TMEM132B: variants seen among roughly 807,000 people sequenced by gnomAD.
The protein encoded by TMEM132B is transmembrane protein 132B.
Under a neutral mutation model 90.8 loss-of-function variants are expected in TMEM132B, and 18 were observed. That is an observed-to-expected ratio of 0.20 (90% CI 0.14 to 0.29). The LOEUF (loss-of-function observed/expected upper bound fraction) is 0.29. Ranked by LOEUF, TMEM132B falls within the 10% of genes least tolerant of loss-of-function variation. TMEM132B has a pLI of 1.00. For synonymous variants in TMEM132B, 504 were observed against 523.3 expected, an observed-to-expected ratio of 0.96 and a Z score of 0.50; for missense variants, 1,096 against 1,326.8, an observed-to-expected ratio of 0.83 and a Z score of 2.70.
At chr12:125,211,017 T>C (rs1873306286) in intron 1 of TMEM132B, among the ~76,000 whole-genome samples, 1 of 151,608 alleles carries the variant, frequency 6.6e-6, no homozygotes, top group South Asian at 2.1e-4. Context: ...GTTGCAGTGA[T>C]CTGAGCTTGT....
At position 125,519,541 on chromosome 12, in the gene TMEM132B, G is replaced by A. The variant is rs754158975; in HGVS notation, c.1209G>A (p.Pro403=). 9.3e-6 allele frequency: 15 copies of A among 1,613,938 alleles called. No homozygotes were observed. The highest frequency in any genetic ancestry group is 8.8e-5 in the South Asian group (8 of 91,074). The change falls in exon 4 of 9, where the codon CCG becomes CCA. Residue 403 remains proline (P), a synonymous_variant. Transcript: ENST00000682704. ...AGATTACCTGGCAGGTGGAGTACCC[G>A]ATTGAGGACTCCATGAGTGAGCTGG... The part of the protein sequence containing the change: ...AQQITWQVEY[P]IEDSMSELVV...
Position 125,551,256 on chromosome 12 carries a change from T to C in TMEM132B, c.1293+31631T>C, listed in dbSNP as rs116869375. Among the ~76,000 whole-genome samples the C allele has an allele frequency of 5.7e-4, 87 of 152,368 alleles. No homozygotes were observed. In the East Asian group the frequency reaches 0.014, roughly 24 times the overall value. On this transcript the variant is annotated intron_variant, in intron 4 of 8. Transcript: ENST00000682704. The stretch of plus-strand genomic sequence containing the variant: ...AATCCTGTTAGGAGCCTTAACTTCA[T>C]TTTACTGGTTGGTGGCTTGGAGAAG...
At chr12:125,396,307 C>G (rs1003909223) in intron 2 of TMEM132B, among the ~76,000 whole-genome samples, 1 of 152,140 alleles carries the variant, frequency 6.6e-6, no homozygotes, top group African/African-American at 2.4e-5. Context: ...ATTTTAGCAC[C>G]AAAGGATGAT....
At chr12:125,202,144 C>G (rs959588215) in intron 1 of TMEM132B, among the ~76,000 whole-genome samples, 1 of 152,246 alleles carries the variant, frequency 6.6e-6, no homozygotes, top group African/African-American at 2.4e-5. Context: ...GGGTTGAGCA[C>G]ATGGCCTAAG....
intron 4 of TMEM132B, among the ~76,000 whole-genome samples, chr12:125,549,545 C>A (rs1884168975): frequency 1.3e-5 from 2 of 152,210 alleles, no homozygotes; most frequent in African/African-American, 4.8e-5. Flanking sequence ...ATTTTATAAT[C>A]TTTCAGGCTT....
In TMEM132B at chr12:125,213,755, A is replaced by C. The variant is rs1387490043; in HGVS notation, c.67+26889A>C. On this transcript the variant is annotated intron_variant, in intron 1 of 8. Coordinates refer to ENST00000682704, the MANE Select transcript of TMEM132B (RefSeq NM_001366854.1). This position sits in a 1 kb window ranked among gnomAD's most constrained non-coding sequence, Gnocchi z 4.2. ...TAGAGTGTGATCTCTGTAAGTATAGATCATGACTACCTTGCTTATTCATCC... is the reference window on the plus strand; with the variant it reads ...TAGAGTGTGATCTCTGTAAGTATAGCTCATGACTACCTTGCTTATTCATCC... 9.2e-5 allele frequency among the ~76,000 whole-genome samples: 14 copies of C among 152,220 alleles called. No homozygotes were observed. Among genetic ancestry groups the C allele is most frequent in the African/African-American group, 3.4e-4 (14 of 41,448 alleles).
chr12:125,332,583 CTTTTTTTTTTTTTTT>C (rs201828438), intron 1 of TMEM132B, among the ~76,000 whole-genome samples: 1,126 of 52,462 alleles, frequency 0.021, 17 homozygotes, highest in Non-Finnish European at 0.033. Flanking sequence ...AGAGAGTTGG[CTTTTTTTTTTTTTTT>C]TTTTTTTTTT....
At chr12:125,359,465 C>A (rs1566012862) in intron 2 of TMEM132B, among the ~76,000 whole-genome samples, 1 of 151,922 alleles carries the variant, frequency 6.6e-6, no homozygotes, top group South Asian at 2.1e-4. Flanking sequence ...GTCAAAAAAA[C>A]CCCAGATCAT....
At chr12:125,638,190 G>A (rs948325340) in intron 5 of TMEM132B, among the ~76,000 whole-genome samples, 1 of 152,142 alleles carries the variant, frequency 6.6e-6, no homozygotes, top group African/African-American at 2.4e-5. Flanking sequence ...CCTTTCACCA[G>A]CTGTGATTCC....
At chr12:125,299,363 C>G (rs1875757091) in intron 1 of TMEM132B, among the ~76,000 whole-genome samples, 2 of 152,304 alleles carry the variant, frequency 1.3e-5, no homozygotes, top group Admixed American at 6.6e-5. Context: ...GGCGGCTCCT[C>G]CCAAGCCCCA....
Position 125,209,012 on chromosome 12 carries a change from C to T in TMEM132B, c.67+22146C>T, listed in dbSNP as rs75250992. 6.3e-3 allele frequency among the ~76,000 whole-genome samples: 952 copies of T among 152,194 alleles called. 9 individuals carry two copies. Among genetic ancestry groups the T allele is most frequent in the African/African-American group, 0.022 (910 of 41,510 alleles). ...GTCCCCTCTGAGTGCTGCGGCCACTCGAATGTCAACTGAGCCCGGGGTTAT... is the reference window on the plus strand; with the variant it reads ...GTCCCCTCTGAGTGCTGCGGCCACTTGAATGTCAACTGAGCCCGGGGTTAT... On this transcript the variant is annotated intron_variant, in intron 1 of 8. Coordinates refer to ENST00000682704, the MANE Select transcript of TMEM132B (RefSeq NM_001366854.1). This position sits in a 1 kb window ranked among gnomAD's most constrained non-coding sequence, Gnocchi z 4.4.
chr12:125,569,922 C>T (rs900710024), intron 4 of TMEM132B, among the ~76,000 whole-genome samples: 3 of 152,090 alleles, frequency 2.0e-5, no homozygotes, highest in Non-Finnish European at 4.4e-5. Flanking sequence ...TGGTTCATTA[C>T]TCATATCTGG....
intron 4 of TMEM132B, among the ~76,000 whole-genome samples, chr12:125,574,741 A>ACAGGG (rs1162213300): frequency 6.6e-6 from 1 of 151,854 alleles, no homozygotes; most frequent in Non-Finnish European, 1.5e-5. Context: ...TATTATATCT[A>ACAGGG]CTTCTTGGAG....
rs559593931 is a variant in TMEM132B at position 125,442,932 on chromosome 12, G to T, written c.1106+27255G>T. 3.3e-5 allele frequency among the ~76,000 whole-genome samples: 5 copies of T among 152,346 alleles called. No homozygotes were observed. The South Asian group carries it at 1.0e-3, about 32-fold the overall frequency. On this transcript the variant is annotated intron_variant, in intron 3 of 8. Coordinates refer to ENST00000682704, the MANE Select transcript of TMEM132B (RefSeq NM_001366854.1). ...GCTAGTCGACAGTTCTAAGATACTA[G>T]CCCATCCCTCTGAGTGTGAGAAAGT... is the stretch of plus-strand genomic sequence containing the variant.
At chr12:125,255,018 C>T (rs1368013174) in intron 1 of TMEM132B, among the ~76,000 whole-genome samples, 2 of 152,112 alleles carry the variant, frequency 1.3e-5, no homozygotes, top group African/African-American at 4.8e-5. Flanking sequence ...GGGACTGTGA[C>T]GAGGAGGTTG....
Position 125,406,672 on chromosome 12 carries a change from C to T in TMEM132B, c.960-8859C>T, listed in dbSNP as rs992336650. Among the ~76,000 whole-genome samples, 10 of 152,106 alleles carry T rather than the reference C, an allele frequency of 6.6e-5. No individual in the cohort carries two copies. Among genetic ancestry groups the T allele is most frequent in the African/African-American group, 2.4e-4 (10 of 41,414 alleles). ...TCTAATTGCACGCTTCCTTCTCCAA[C>T]CCCCGCCCATGGCAGACAGTGAAAG... On this transcript the variant is annotated intron_variant, in intron 2 of 8. Coordinates refer to ENST00000682704, the MANE Select transcript of TMEM132B (RefSeq NM_001366854.1). The surrounding 1 kb of genome is among the most constrained non-coding windows in gnomAD (Gnocchi z 8.3).
intron 1 of TMEM132B, among the ~76,000 whole-genome samples, chr12:125,336,223 T>C (rs147290620): frequency 6.6e-6 from 1 of 152,310 alleles, no homozygotes; most frequent in African/African-American, 2.4e-5. Flanking sequence ...TCTAGAGTGT[T>C]ATGTAAGTGC....
Position 125,349,693 on chromosome 12 carries a change from C to T in TMEM132B, c.309C>T (p.Pro103=), listed in dbSNP as rs747653473. The change falls in exon 2 of 9, where the codon CCC becomes CCT. Residue 103 remains proline, a synonymous_variant. Transcript: ENST00000682704. The surrounding 1 kb of genome is among the most constrained non-coding windows in gnomAD (Gnocchi z 4.1). ...YGPFSVEKII[P]QELLLTSTAF... ...CATTTTCAGTGGAGAAGATAATCCCCCAGGAGCTCCTGTTGACATCTACAG... is the reference window on the plus strand; with the variant it reads ...CATTTTCAGTGGAGAAGATAATCCCTCAGGAGCTCCTGTTGACATCTACAG... 5.0e-6 allele frequency: 8 copies of T among 1,614,078 alleles called. No individual in the cohort carries two copies. In the Middle Eastern group the frequency reaches 8.2e-4, roughly 166 times the overall value.
intron 2 of TMEM132B, among the ~76,000 whole-genome samples, chr12:125,358,618 T>C (rs756070620): frequency 2.0e-5 from 3 of 152,202 alleles, no homozygotes; most frequent in Non-Finnish European, 4.4e-5. Flanking sequence ...TGGTGTTTTC[T>C]CATGATTGGA....
Sources: gnomAD v4.1 joint callset for allele counts (sites outside exome capture counted in the v4.1 genomes callset) on GRCh38, gnomAD v4.1.1 for gene constraint, Gnocchi (gnomAD v3.1) non-coding constraint, MANE v1.5 for transcripts, NCBI Gene and HGNC (gene_info 2026-07-23, HGNC 2026-07-21) for gene names.